HERC1: variants seen among roughly 807,000 people sequenced by gnomAD.
HERC1 encodes HECT and RLD domain containing E3 ubiquitin protein ligase family member 1, also known as probable E3 ubiquitin-protein ligase HERC1.
In HERC1, 160 loss-of-function variants were observed where a neutral mutation model predicts 554.3. The ratio of observed to expected loss-of-function variants is 0.29; its 90% CI spans 0.25 to 0.33. The LOEUF (loss-of-function observed/expected upper bound fraction) is 0.33. Among genes scored for constraint, HERC1 ranks in the 10% least tolerant of loss-of-function variants. The pLI, the probability that HERC1 is intolerant of heterozygous loss-of-function variation, is 1.00. For synonymous variants in HERC1, 2,175 were observed against 2,131.7 expected (o/e 1.02, Z -0.56); for missense variants, 4,919 against 5,918.5 (o/e 0.83, Z 5.54).
intron 1 of HERC1, among the ~76,000 whole-genome samples, chr15:63,787,668 G>A (rs1487931417): frequency 6.6e-6 from 1 of 152,022 alleles, no homozygotes; most frequent in Non-Finnish European, 1.5e-5. Context: ...GGGAGGCTAA[G>A]GCAGGAGGAT....
chr15:63,679,095 T>A (rs1357620808), intron 36 of HERC1, among the ~76,000 whole-genome samples: 1 of 152,224 alleles, frequency 6.6e-6, no homozygotes, highest in African/African-American at 2.4e-5. Context: ...TAGAATAAAT[T>A]AATTGATACA....
At chr15:63,646,664 C>G (rs962631557) in intron 55 of HERC1, among the ~76,000 whole-genome samples, 1 of 151,332 alleles carries the variant, frequency 6.6e-6, no homozygotes, top group Non-Finnish European at 1.5e-5. Flanking sequence ...AAAAATTAGC[C>G]GGGAGTGGTG....
chr15:63,783,274 T>C (rs191697410), intron 1 of HERC1, among the ~76,000 whole-genome samples: 1 of 152,188 alleles, frequency 6.6e-6, no homozygotes, highest in Admixed American at 6.5e-5. Context: ...TTTTAATAAA[T>C]TGCCAAAGTA....
At chr15:63,736,264 T>C (rs1423225520) in intron 12 of HERC1, among the ~76,000 whole-genome samples, 1 of 152,152 alleles carries the variant, frequency 6.6e-6, no homozygotes, top group Admixed American at 6.5e-5. Flanking sequence ...AACAGGAAGA[T>C]TGGTTGAAAA....
In HERC1 at chr15:63,623,865, C is replaced by G; in HGVS notation, c.13471G>C (p.Val4491Leu). The G allele has an allele frequency of 6.2e-7, 1 of 1,613,754 alleles. No individual in the cohort carries two copies. The highest frequency in any genetic ancestry group is 8.5e-7 in the Non-Finnish European group (1 of 1,179,818). Residue 4491 changes from valine to leucine, a missense_variant, in exon 73 of 78, where the codon GTC becomes CTC. By Grantham distance (32) the Val-to-Leu change is conservative. Transcript: ENST00000443617. ...TTAACTACTTGTCTCGCTATTTGGA[C>G]AAAAATAGGCTTACACTTCCGTCCT... Reference protein sequence around the residue: ...TRGRKCKPIFVQIARQVVKLN... With the variant: ...TRGRKCKPIFLQIARQVVKLN...
chr15:63,815,918 G>T (rs987910733), intron 1 of HERC1, among the ~76,000 whole-genome samples: 1 of 152,060 alleles, frequency 6.6e-6, no homozygotes, highest in African/African-American at 2.4e-5. Context: ...CTAGCAAAAG[G>T]GGGGAAAGCC....
chr15:63,823,030 T>C (rs2077758754), intron 1 of HERC1, among the ~76,000 whole-genome samples: 1 of 152,194 alleles, frequency 6.6e-6, no homozygotes, highest in Non-Finnish European at 1.5e-5. Context: ...GTTTGAGATG[T>C]CTATTAGATA....
intron 34 of HERC1, among the ~76,000 whole-genome samples, chr15:63,681,916 GTA>G (rs1351320540): frequency 6.6e-6 from 1 of 152,204 alleles, no homozygotes; most frequent in African/African-American, 2.4e-5. Flanking sequence ...TTAACTGGGT[GTA>G]TATCCTTACC....
At chr15:63,702,203 A>G (rs752318645) in intron 25 of HERC1, among the ~76,000 whole-genome samples, 7 of 152,156 alleles carry the variant, frequency 4.6e-5, no homozygotes, top group Non-Finnish European at 1.0e-4. Context: ...GAGTAAATAC[A>G]CTACCACACG....
At chr15:63,755,381 G>C in intron 5 of HERC1, 56 bp from the exon 6 acceptor site, 1 of 1,288,166 alleles carries the variant, frequency 7.8e-7, no homozygotes, top group South Asian at 1.2e-5. Context: ...CATATAGTCC[G>C]TATTTGATCC....
chr15:63,736,587 C>A (rs2074513519), intron 12 of HERC1, among the ~76,000 whole-genome samples: 1 of 150,844 alleles, frequency 6.6e-6, no homozygotes, highest in Non-Finnish European at 1.5e-5. Context: ...TTTTAGCATC[C>A]ATCAGTCTTT....
chr15:63,707,660 G>A (rs2073081601), intron 24 of HERC1, among the ~76,000 whole-genome samples: 1 of 152,114 alleles, frequency 6.6e-6, no homozygotes, highest in Non-Finnish European at 1.5e-5. Flanking sequence ...CGGGAGTGGT[G>A]GCTCACACCT....
intron 39 of HERC1, among the ~76,000 whole-genome samples, chr15:63,671,101 G>A (rs1345420734): frequency 6.6e-6 from 1 of 151,648 alleles, no homozygotes; most frequent in East Asian, 1.9e-4. Flanking sequence ...TACTCAGGAG[G>A]CTGAGGCAGG....
intron 1 of HERC1, among the ~76,000 whole-genome samples, chr15:63,821,468 A>G (rs891921726): frequency 1.3e-5 from 2 of 151,366 alleles, no homozygotes; most frequent in African/African-American, 4.9e-5. Flanking sequence ...AGGCAGGGGA[A>G]TCACTTGAAC....
chr15:63,658,713 G>A lies in HERC1; in HGVS notation c.9430C>T (p.His3144Tyr). The A allele has an allele frequency of 6.2e-7, 1 of 1,607,952 alleles. No individual in the cohort carries two copies. Residue 3144 changes from histidine to tyrosine, a missense_variant, in exon 48 of 78, where the codon CAT (histidine) becomes TAT (tyrosine). His to Tyr is a moderately conservative substitution (Grantham distance 83). This residue lies in a region of HERC1 where 1,963 missense variants were observed against 2,228.6 expected (regional missense o/e 0.88). Coordinates refer to ENST00000443617, the MANE Select transcript of HERC1 (RefSeq NM_003922.4). ...MEETLMQIGC[H>Y]GSVEKSSSGR... ...GAGGAGCTCTTTTCTACGGAGCCAT[G>A]GCAACCTGAAAAACATAATTCTGTT...
intron 38 of HERC1, among the ~76,000 whole-genome samples, chr15:63,673,712 T>C (rs1408319366): frequency 1.3e-5 from 2 of 152,212 alleles, no homozygotes; most frequent in African/African-American, 4.8e-5. Context: ...TGAGAAGATA[T>C]CAGAATACTA....
At chr15:63,689,823 C>G (rs1009262829) in intron 32 of HERC1, 124 bp from the exon 33 acceptor site, 2 of 551,130 alleles carry the variant, frequency 3.6e-6, no homozygotes, top group Non-Finnish European at 6.4e-6. Context: ...CAGTGTTCAA[C>G]AGCTACTTTT....
rs1455502468 is a variant in HERC1 at position 63,759,627 on chromosome 15, T to C, written c.1027-1258A>G. On this transcript the variant is annotated intron_variant, in intron 3 of 77. Coordinates refer to ENST00000443617, the MANE Select transcript of HERC1 (RefSeq NM_003922.4). The stretch of plus-strand genomic sequence containing the variant: ...TGTGACGTGAACTTCTGTTCACTTA[T>C]TTATTAGAACTTAATAGATTTTTAA... 2.6e-5 allele frequency among the ~76,000 whole-genome samples: 4 copies of C among 152,244 alleles called. 1 individual carries two copies. In the East Asian group the frequency reaches 7.7e-4, roughly 29 times the overall value.
At chr15:63,744,164 G>GTGTGTGTGTGTGTCTCTCTCTCTCTC in intron 12 of HERC1, among the ~76,000 whole-genome samples, 5 of 46,312 alleles carry the variant, frequency 1.1e-4, no homozygotes, top group East Asian at 9.9e-4. Flanking sequence ...GTGTGTGTGT[G>GTGTGTGTGTGTGTCTCTCTCTCTCTC]TCTCTCTCTC....
Sources: allele counts gnomAD v4.1 joint callset (sites outside exome capture counted in the v4.1 genomes callset), GRCh38; gene constraint gnomAD v4.1.1; regional missense constraint gnomAD v4.1.1; transcripts MANE v1.5; gene names NCBI Gene and HGNC (gene_info 2026-07-23, HGNC 2026-07-21).